NHLRC3: variants seen among roughly 807,000 people sequenced by gnomAD.
The protein encoded by NHLRC3 is NHL repeat containing 3.
In NHLRC3, 23 loss-of-function variants were observed where a neutral mutation model predicts 32.0. The observed-to-expected ratio is 0.72, with a 90% confidence interval of 0.52 to 1.02. NHLRC3 has a LOEUF of 1.02. Ranked by LOEUF, NHLRC3 falls within the 50% of genes least tolerant of loss-of-function variation. NHLRC3 has a pLI of 0.00. For missense variants in NHLRC3, 407 were observed against 406.8 expected (o/e 1.00, Z -0.01); for synonymous variants, 159 against 147.9 (o/e 1.08, Z -0.55).
intron 5 of NHLRC3, 59 bp from the exon 6 acceptor site, chr13:39,046,981 C>G (rs986568832): frequency 4.7e-6 from 5 of 1,055,432 alleles, no homozygotes; most frequent in Non-Finnish European, 7.4e-6. Flanking sequence ...AATAAACATT[C>G]TTTTCCCTTT....
Position 39,048,750 on chromosome 13 carries a change from C to A in NHLRC3, c.*824C>A, listed in dbSNP as rs151263266. 487 of 152,318 alleles carry A rather than the reference C, an allele frequency of 3.2e-3. 2 individuals carry two copies. The highest frequency in any genetic ancestry group is 0.011 in the African/African-American group (468 of 41,556). The allele number at this position is 152,318 out of a possible 1,614,324, so 9.4% of individuals were successfully genotyped here. A position where few individuals can be genotyped will look rare whatever the true frequency, so the allele number is the denominator to read the frequency against. ...TATAAGATATTTAATGTCAGTCAGC[C>A]TTTAAATGTAGGAATAAAATGGCTG... On this transcript the variant is annotated 3_prime_UTR_variant, in exon 7 of 7. Coordinates refer to ENST00000379600, the MANE Select transcript of NHLRC3 (RefSeq NM_001012754.4).
intron 3 of NHLRC3, 53 bp from the exon 4 acceptor site, chr13:39,042,052 T>G: frequency 1.8e-6 from 2 of 1,091,968 alleles, no homozygotes; most frequent in Non-Finnish European, 2.8e-6. Flanking sequence ...TTGAAAAATC[T>G]GAATGTTTGT....
At chr13:39,046,799 A>G (rs1249257353) in intron 5 of NHLRC3, among the ~76,000 whole-genome samples, 2 of 151,278 alleles carry the variant, frequency 1.3e-5, no homozygotes, top group Non-Finnish European at 2.9e-5. Flanking sequence ...CAGTAGACAG[A>G]GTATTATAAG....
chr13:39,043,175 G>A (rs1267246426), intron 4 of NHLRC3, among the ~76,000 whole-genome samples: 1 of 151,450 alleles, frequency 6.6e-6, no homozygotes, highest in African/African-American at 2.4e-5. Context: ...GTTGATAACA[G>A]TTGAAAGGGA....
Position 39,047,997 on chromosome 13 carries a change from T to G in NHLRC3, c.*71T>G. ...TTCACTAAGTGCTTAAAAATGATGT[T>G]CAAGCACAAGAATTTATTTTTCTAG... On this transcript the variant is annotated 3_prime_UTR_variant, in exon 7 of 7. Transcript: ENST00000379600. The G allele has an allele frequency of 2.4e-6, 3 of 1,243,684 alleles. No individual in the cohort carries two copies. Among genetic ancestry groups the G allele is most frequent in the Non-Finnish European group, 3.4e-6 (3 of 886,028 alleles). 77.0% of individuals were successfully genotyped at this position (1,243,684 alleles called of 1,614,324 possible).
At position 39,039,643 on chromosome 13, in the gene NHLRC3, C is replaced by T. The variant is rs898211561; in HGVS notation, c.317C>T (p.Thr106Ile). 6.2e-7 allele frequency: 1 copy of T among 1,611,958 alleles called. No individual in the cohort carries two copies. Among genetic ancestry groups the T allele is most frequent in the Non-Finnish European group, 8.5e-7 (1 of 1,178,024 alleles). Residue 106 changes from threonine (T) to isoleucine (I), a missense_variant, in exon 3 of 7, where the codon ACA (threonine) becomes ATA (isoleucine). Coordinates refer to ENST00000379600, the MANE Select transcript of NHLRC3 (RefSeq NM_001012754.4). Reference sequence around the variant, plus strand: ...CGAGCCTGGAATTATACAGTTGACACACCTCATGGTATATTTGCAGCCAGT... The same window carrying T: ...CGAGCCTGGAATTATACAGTTGACATACCTCATGGTATATTTGCAGCCAGT... ...FLRAWNYTVD[T>I]PHGIFAASTL...
intron 1 of NHLRC3, 45 bp from the exon 2 acceptor site, chr13:39,039,091 T>C (rs371660321): frequency 2.4e-5 from 35 of 1,465,140 alleles, no homozygotes; most frequent in Non-Finnish European, 4.8e-6. Flanking sequence ...TTTTTGTTCT[T>C]ACCTAGACGG....
chr13:39,039,116 A>G lies in NHLRC3; in HGVS notation c.85-20A>G, dbSNP rs1871340211. On this transcript the variant is annotated intron_variant, in intron 1 of 6. Transcript: ENST00000379600. ...TACCTAGACGGTAAACTAAATCTGA[A>G]TTGTCTGATTTTGTTTAAGGTTTTG... is the stretch of plus-strand genomic sequence containing the variant. 1.9e-6 allele frequency: 3 copies of G among 1,567,782 alleles called. No individual in the cohort carries two copies. The highest frequency in any genetic ancestry group is 2.6e-6 in the Non-Finnish European group (3 of 1,149,736).
chr13:39,047,156 A>C lies in NHLRC3; in HGVS notation c.791+4A>C, dbSNP rs1871714947. On this transcript the variant is annotated splice_donor_region_variant and intron_variant, in intron 6 of 6. Transcript: ENST00000379600. The stretch of plus-strand genomic sequence containing the variant: ...AAGAGGGACCTTCTTCAGTCAGGTA[A>C]TTGTTTCATTTTATTGCAAAATGCT... 6.5e-7 allele frequency: 1 copy of C among 1,535,880 alleles called. No individual in the cohort carries two copies. The highest frequency in any genetic ancestry group is 1.1e-5 in the South Asian group (1 of 87,870).
At position 39,047,016 on chromosome 13, in the gene NHLRC3, T is replaced by A. The variant is rs368443570; in HGVS notation, c.679-24T>A. On this transcript the variant is annotated intron_variant, in intron 5 of 6. Coordinates refer to ENST00000379600, the MANE Select transcript of NHLRC3 (RefSeq NM_001012754.4). ...TTTTCTTCTCATGGATATTTTTCAATTGACATTTTTGTGTGTTTCTCAGGT... is the reference window on the plus strand; with the variant it reads ...TTTTCTTCTCATGGATATTTTTCAAATGACATTTTTGTGTGTTTCTCAGGT... 3 of 1,384,076 alleles carry A rather than the reference T, an allele frequency of 2.2e-6. No individual in the cohort carries two copies. The African/African-American group carries it at 4.3e-5, about 20-fold the overall frequency. The allele number at this position is 1,384,076 out of a possible 1,614,324, so 85.7% of individuals were successfully genotyped here. A position where few individuals can be genotyped will look rare whatever the true frequency, so the allele number is the denominator to read the frequency against.
In NHLRC3 at chr13:39,038,557, G is replaced by C; in HGVS notation, c.-83G>C. The C allele has an allele frequency of 1.7e-6, 2 of 1,200,192 alleles. No individual in the cohort carries two copies. Among genetic ancestry groups the C allele is most frequent in the South Asian group, 1.2e-5 (1 of 82,740 alleles). The allele number at this position is 1,200,192 out of a possible 1,614,324, so 74.3% of individuals were successfully genotyped here. A position where few individuals can be genotyped will look rare whatever the true frequency, so the allele number is the denominator to read the frequency against. ...GGGCCCCGGGCAGACCCTCTGTGCC[G>C]CTGCAAACCGTTGCAGCCTGAGGCT... On this transcript the variant is annotated 5_prime_UTR_variant, in exon 1 of 7. Coordinates refer to ENST00000379600, the MANE Select transcript of NHLRC3 (RefSeq NM_001012754.4).
At chr13:39,043,951 TA>T in intron 4 of NHLRC3, 138 bp from the exon 5 acceptor site, 1 of 682,742 alleles carries the variant, frequency 1.5e-6, no homozygotes, top group Non-Finnish European at 2.6e-6. Context: ...AATGGGCATA[TA>T]GACAGGAAAG....
At chr13:39,042,517 T>C (rs1054836327) in intron 4 of NHLRC3, among the ~76,000 whole-genome samples, 1 of 152,136 alleles carries the variant, frequency 6.6e-6, no homozygotes, top group Non-Finnish European at 1.5e-5. Context: ...GGCCAGGAGA[T>C]TCCTCCAAAA....
intron 3 of NHLRC3, 58 bp downstream of exon 3, chr13:39,039,769 C>A: frequency 7.8e-7 from 1 of 1,280,358 alleles, no homozygotes; most frequent in South Asian, 1.4e-5. Context: ...TTGCACATGT[C>A]CTTGTTTGTA....
At position 39,047,134 on chromosome 13, in the gene NHLRC3, A is replaced by G; in HGVS notation, c.773A>G (p.Glu258Gly). 6.3e-7 allele frequency: 1 copy of G among 1,599,128 alleles called. No individual in the cohort carries two copies. Among genetic ancestry groups the G allele is most frequent in the Non-Finnish European group, 8.6e-7 (1 of 1,167,750 alleles). ...LGAWNNCFTE[E>G]GPSSVRFTPD... is the part of the protein sequence containing the mutation. ...GCATGGAATAATTGTTTCACAGAAG[A>G]GGGACCTTCTTCAGTCAGGTAATTG... Residue 258 changes from glutamate to glycine, a missense_variant, in exon 6 of 7, where the codon GAG becomes GGG. Coordinates refer to ENST00000379600, the MANE Select transcript of NHLRC3 (RefSeq NM_001012754.4).
rs990468293 is a variant in NHLRC3 at position 39,049,621 on chromosome 13, A to G, written c.*1695A>G. On this transcript the variant is annotated 3_prime_UTR_variant, in exon 7 of 7. Coordinates refer to ENST00000379600, the MANE Select transcript of NHLRC3 (RefSeq NM_001012754.4). ...GTGTTTATAGCATTTATCAAAACGT[A>G]TCCTCATAGACTTTATGCAGATTAA... 1 of 152,274 alleles carries G rather than the reference A, an allele frequency of 6.6e-6. No individual in the cohort carries two copies. Among genetic ancestry groups the G allele is most frequent in the Non-Finnish European group, 1.5e-5 (1 of 68,048 alleles). The allele number at this position is 152,274 out of a possible 1,614,324, so 9.4% of individuals were successfully genotyped here. A position where few individuals can be genotyped will look rare whatever the true frequency, so the allele number is the denominator to read the frequency against.
intron 3 of NHLRC3, chr13:39,041,194 T>G (rs1161172867): frequency 6.6e-6 from 1 of 152,162 alleles, no homozygotes; most frequent in East Asian, 1.9e-4. Context: ...TGGCTACAAA[T>G]TAGCCTTTTT....
At chr13:39,039,078 C>CCCCGTT in intron 1 of NHLRC3, 58 bp from the exon 2 acceptor site, 1 of 1,038,074 alleles carries the variant, frequency 9.6e-7, no homozygotes, top group Non-Finnish European at 1.4e-6. Context: ...CCCCCCCGCC[C>CCCCGTT]TTTTTTTGTT....
chr13:39,039,078 C>CCGT, intron 1 of NHLRC3, 58 bp from the exon 2 acceptor site: 23 of 1,037,996 alleles, frequency 2.2e-5, no homozygotes, highest in Non-Finnish European at 3.2e-5. Flanking sequence ...CCCCCCCGCC[C>CCGT]TTTTTTTGTT....
Sources: allele counts gnomAD v4.1 joint callset (sites outside exome capture counted in the v4.1 genomes callset), GRCh38; gene constraint gnomAD v4.1.1; transcripts MANE v1.5; gene names NCBI Gene and HGNC (gene_info 2026-07-23, HGNC 2026-07-21).